ABCA12: variants seen among roughly 807,000 people sequenced by gnomAD.
ABCA12 encodes the protein ATP binding cassette subfamily A member 12.
In ABCA12, 156 loss-of-function variants were observed where a neutral mutation model predicts 293.5. That is an observed-to-expected ratio of 0.53 (90% CI 0.47 to 0.61). The LOEUF (loss-of-function observed/expected upper bound fraction) is 0.61. ABCA12 is among the 20% of genes least tolerant of loss of function. ABCA12 has a pLI of 0.00. For missense variants in ABCA12, 2,797 were observed against 3,090.2 expected (o/e 0.91, Z 2.25); for synonymous variants, 1,063 against 1,108.0 (o/e 0.96, Z 0.81).
intron 27 of ABCA12, 103 bp from the exon 28 acceptor site, chr2:214,986,831 C>A (rs1045857283): frequency 4.2e-5 from 43 of 1,035,458 alleles, no homozygotes; most frequent in Admixed American, 6.7e-5. Flanking sequence ...AAAATATAAC[C>A]CTCTAAGTAA....
intron 2 of ABCA12, among the ~76,000 whole-genome samples, chr2:215,079,765 T>G (rs1701901340): frequency 6.6e-6 from 1 of 152,200 alleles, no homozygotes; most frequent in African/African-American, 2.4e-5. Context: ...CTTGCGTTAC[T>G]TAATAAAATG....
chr2:214,951,953 G>C (rs1291403606), intron 44 of ABCA12, among the ~76,000 whole-genome samples: 1 of 151,520 alleles, frequency 6.6e-6, no homozygotes, highest in Non-Finnish European at 1.5e-5. Context: ...TTCTGTACTT[G>C]TTTTACTAAT....
At chr2:214,986,425 T>A (rs1375287716) in intron 28 of ABCA12, 117 bp downstream of exon 28, 1 of 1,043,008 alleles carries the variant, frequency 9.6e-7, no homozygotes, top group Non-Finnish European at 1.4e-6. Context: ...ACCATCTTCC[T>A]CCATCTGGGA....
At chr2:214,970,525 G>T in intron 36 of ABCA12, 125 bp from the exon 37 acceptor site, 1 of 1,043,652 alleles carries the variant, frequency 9.6e-7, no homozygotes, top group Non-Finnish European at 1.4e-6. Context: ...TGATAAGACT[G>T]TCCTTTGACT....
At chr2:215,016,125 CAG>C (rs1700492167) in intron 14 of ABCA12, among the ~76,000 whole-genome samples, 1 of 151,538 alleles carries the variant, frequency 6.6e-6, no homozygotes, top group Non-Finnish European at 1.5e-5. Flanking sequence ...GCCTGGGAGA[CAG>C]GGTGAGACTC....
chr2:215,052,674 C>T (rs1367278386), intron 4 of ABCA12, 90 bp from the exon 5 acceptor site: 1 of 1,050,950 alleles, frequency 9.5e-7, no homozygotes, highest in Admixed American at 1.8e-5. Context: ...TCACTTGTGA[C>T]CTCATATACC....
intron 39 of ABCA12, among the ~76,000 whole-genome samples, chr2:214,964,958 AT>A (rs200123718): frequency 0.011 from 1,745 of 152,244 alleles, 38 homozygotes; most frequent in African/African-American, 0.039. Flanking sequence ...GAAGCATCAC[AT>A]TATCCAACTT....
At chr2:215,075,779 C>G (rs947981091) in intron 2 of ABCA12, 5 of 507,000 alleles carry the variant, frequency 9.9e-6, no homozygotes, top group African/African-American at 2.0e-5. Context: ...ACTATCTTTT[C>G]ACTTGGAAAT....
chr2:215,004,946 G>C (rs1427969444), intron 19 of ABCA12: 2 of 152,128 alleles, frequency 1.3e-5, no homozygotes, highest in Admixed American at 6.5e-5. Context: ...TGGAAAGGCT[G>C]AAAAATTAAA....
rs552024877 is a variant in ABCA12, at chr2:215,041,043, T to A, written c.873-3978A>T. 6.4e-4 allele frequency among the ~76,000 whole-genome samples: 97 copies of A among 152,120 alleles called. 1 individual carries two copies. Among genetic ancestry groups the A allele is most frequent in the African/African-American group, 2.3e-3 (95 of 41,490 alleles). On this transcript the variant is annotated intron_variant, in intron 7 of 52. Coordinates refer to ENST00000272895, the MANE Select transcript of ABCA12 (RefSeq NM_173076.3). ...ATAAAAGTATATTAAATACAAAAAA[T>A]TTGTTAAGCTAGTAGATTTCAAGTG...
In ABCA12 at chr2:214,959,055, A is replaced by G. The variant is rs755729044; in HGVS notation, c.5908T>C (p.Tyr1970His). The change falls in exon 40 of 53, where the codon TAT becomes CAT. Residue 1970 changes from tyrosine to histidine, a missense_variant. Physicochemically the swap from Tyr to His is moderately conservative, Grantham distance 83 (BLOSUM62 2). Coordinates refer to ENST00000272895, the MANE Select transcript of ABCA12 (RefSeq NM_173076.3). Reference protein sequence around the residue: ...RHGIIMYSHPYPGVQDQEQAT... With the variant: ...RHGIIMYSHPHPGVQDQEQAT... The stretch of plus-strand genomic sequence containing the variant: ...TGTTCTTGGTCTTGCACTCCTGGAT[A>G]AGGATGGCTATACATGATGATGCCT... The G allele has an allele frequency of 4.3e-6, 7 of 1,613,912 alleles. No homozygotes were observed. The highest frequency in any genetic ancestry group is 5.9e-6 in the Non-Finnish European group (7 of 1,179,798).
At chr2:214,976,871 A>AATATAGC (rs1471615438) in intron 33 of ABCA12, among the ~76,000 whole-genome samples, 13 of 152,132 alleles carry the variant, frequency 8.5e-5, no homozygotes, top group Non-Finnish European at 1.6e-4. Flanking sequence ...AACAGGTTCA[A>AATATAGC]ATATAGCATT....
At chr2:214,998,615 G>A (rs1700082434) in intron 22 of ABCA12, among the ~76,000 whole-genome samples, 1 of 152,206 alleles carries the variant, frequency 6.6e-6, no homozygotes, top group Non-Finnish European at 1.5e-5. Flanking sequence ...ATTCCTCAAT[G>A]TCCTGCTCAT....
At chr2:215,052,115 C>T (rs2106057451) in intron 5 of ABCA12, among the ~76,000 whole-genome samples, 1 of 152,164 alleles carries the variant, frequency 6.6e-6, no homozygotes, top group Non-Finnish European at 1.5e-5. Flanking sequence ...CTAATTTTTC[C>T]CAAGACTTGA....
rs115618586 is a variant in ABCA12, at chr2:215,129,294, C to T, written c.69+8846G>A. Reference sequence around the variant, plus strand: ...GGTCTCGGATCCTTCAGGAGCAGTCCACTTCCTTCAGAAGGTCTGTGTCTG... The same window carrying T: ...GGTCTCGGATCCTTCAGGAGCAGTCTACTTCCTTCAGAAGGTCTGTGTCTG... On this transcript the variant is annotated intron_variant, in intron 1 of 52. Coordinates refer to ENST00000272895, the MANE Select transcript of ABCA12 (RefSeq NM_173076.3). Among the ~76,000 whole-genome samples the T allele has an allele frequency of 2.9e-3, 443 of 152,278 alleles. 1 individual carries two copies. Among genetic ancestry groups the T allele is most frequent in the African/African-American group, 0.01 (423 of 41,572 alleles).
At chr2:214,980,383 T>G in intron 31 of ABCA12, 100 bp downstream of exon 31, 1 of 1,493,208 alleles carries the variant, frequency 6.7e-7, no homozygotes, top group South Asian at 1.2e-5. Context: ...AGTATACTAA[T>G]GAATTTTAGC....
chr2:214,953,717 G>T, intron 44 of ABCA12, 137 bp downstream of exon 44: 1 of 1,065,468 alleles, frequency 9.4e-7, no homozygotes, highest in Non-Finnish European at 1.3e-6. Context: ...AGTGAATTAT[G>T]CTAGAATTTT....
chr2:214,953,087 T>C (rs932223705), intron 44 of ABCA12, among the ~76,000 whole-genome samples: 1 of 152,252 alleles, frequency 6.6e-6, no homozygotes, highest in African/African-American at 2.4e-5. Flanking sequence ...ATTTCTTTTC[T>C]TTTTAACTTG....
chr2:215,046,179 A>G (rs1701198610), intron 6 of ABCA12, among the ~76,000 whole-genome samples, 164 bp from the exon 7 acceptor site: 1 of 152,122 alleles, frequency 6.6e-6, no homozygotes, highest in African/African-American at 2.4e-5. Flanking sequence ...ACCAGCAACT[A>G]CTTCTAATGT....
Sources: gnomAD v4.1 joint callset for allele counts (sites outside exome capture counted in the v4.1 genomes callset) on GRCh38, gnomAD v4.1.1 for gene constraint, MANE v1.5 for transcripts, NCBI Gene and HGNC (gene_info 2026-07-23, HGNC 2026-07-21) for gene names.